PCDHGA4: variants seen among roughly 807,000 people sequenced by gnomAD.
The protein encoded by PCDHGA4 is protocadherin gamma-A4.
Under a neutral mutation model 54.6 loss-of-function variants are expected in PCDHGA4, and 38 were observed. That is an observed-to-expected ratio of 0.70 (90% CI 0.54 to 0.91). PCDHGA4 has a LOEUF of 0.91. PCDHGA4 is among the 40% of genes least tolerant of loss of function. The pLI is 0.00. For synonymous variants in PCDHGA4, 511 were observed against 512.9 expected (o/e 1.00, Z 0.05); for missense variants, 1,298 against 1,220.9 (o/e 1.06, Z -0.94).
intron 1 of PCDHGA4, chr5:141,383,071 G>A (rs1778782498): frequency 1.2e-6 from 2 of 1,613,916 alleles, no homozygotes; most frequent in South Asian, 1.1e-5. Context: ...GGAGCCCCGG[G>A]AGCTGGCGGA....
intron 1 of PCDHGA4, chr5:141,378,751 G>C (rs72790019): frequency 1.3e-5 from 2 of 152,014 alleles, no homozygotes; most frequent in African/African-American, 4.8e-5. Context: ...AAGAAAAAAG[G>C]GATTATCATT....
At chr5:141,469,142 G>A (rs1473440049) in intron 1 of PCDHGA4, among the ~76,000 whole-genome samples, 3 of 152,024 alleles carry the variant, frequency 2.0e-5, no homozygotes, top group East Asian at 1.9e-4. Flanking sequence ...CAGAAATGGT[G>A]GCACATGTCT....
intron 1 of PCDHGA4, chr5:141,421,414 C>G: frequency 6.2e-7 from 1 of 1,614,066 alleles, no homozygotes; most frequent in Non-Finnish European, 8.5e-7. Flanking sequence ...GCTGGCGAAG[C>G]GCGGAGTCCG....
At chr5:141,393,276 C>T (rs773579763) in intron 1 of PCDHGA4, 1 of 1,613,968 alleles carries the variant, frequency 6.2e-7, no homozygotes, top group African/African-American at 1.3e-5. Context: ...TTATCCACTC[C>T]CAGAAGCTGT....
chr5:141,504,434 A>C (rs2099838201), intron 2 of PCDHGA4, among the ~76,000 whole-genome samples: 1 of 152,234 alleles, frequency 6.6e-6, no homozygotes, highest in South Asian at 2.1e-4. Flanking sequence ...CAACAGCTGC[A>C]GTGTGACTAG....
At chr5:141,499,698 T>C (rs1312388510) in intron 2 of PCDHGA4, among the ~76,000 whole-genome samples, 2 of 149,810 alleles carry the variant, frequency 1.3e-5, no homozygotes, top group African/African-American at 2.5e-5. Context: ...ACTTTTTTTT[T>C]TTTTTTTTTT....
chr5:141,399,314 A>C (rs1309292354), intron 1 of PCDHGA4: 9 of 1,613,988 alleles, frequency 5.6e-6, no homozygotes, highest in Non-Finnish European at 1.7e-6. Context: ...TCATCCAAAA[A>C]TTCGTATAAG....
At chr5:141,394,311 C>G in intron 1 of PCDHGA4, 3 of 1,613,986 alleles carry the variant, frequency 1.9e-6, no homozygotes, top group Non-Finnish European at 1.7e-6. Context: ...GCAGGGGGCG[C>G]CCCTGTCCTC....
rs532502013 is a variant in PCDHGA4 at position 141,404,723 on chromosome 5, G to A, written c.2514+47102G>A. 3.1e-6 allele frequency: 5 copies of A among 1,614,094 alleles called. No individual in the cohort carries two copies. Among genetic ancestry groups the A allele is most frequent in the Middle Eastern group, 1.6e-4 (1 of 6,062 alleles). On this transcript the variant is annotated intron_variant, in intron 1 of 3. Coordinates refer to ENST00000571252, the MANE Select transcript of PCDHGA4 (RefSeq NM_018917.4). ...AGAGCCTGGCTACCTGGTGACCAAG[G>A]TGGTGGCAGTGGACAGAGACTCAGG...
Position 141,410,405 on chromosome 5 carries a change from T to C in PCDHGA4, c.2514+52784T>C, listed in dbSNP as rs777544150. ...CTTCCATCCTGGTCTCTGTGTCAAGTCTGGACCTGTAGTTCCCCCCAACTA... is the reference window on the plus strand; with the variant it reads ...CTTCCATCCTGGTCTCTGTGTCAAGCCTGGACCTGTAGTTCCCCCCAACTA... On this transcript the variant is annotated intron_variant, in intron 1 of 3. Transcript: ENST00000571252. 2.2e-5 allele frequency: 35 copies of C among 1,613,948 alleles called. 1 individual carries two copies. In the East Asian group the frequency reaches 7.8e-4, roughly 36 times the overall value.
intron 1 of PCDHGA4, chr5:141,395,555 TGTGTG>T: frequency 9.9e-6 from 1 of 101,256 alleles, no homozygotes; most frequent in Non-Finnish European, 1.7e-5. Context: ...TGTGTGTGTG[TGTGTG>T]TGTGTGTGTG....
chr5:141,496,992 C>T (rs1055856428), intron 2 of PCDHGA4, among the ~76,000 whole-genome samples: 2 of 151,918 alleles, frequency 1.3e-5, no homozygotes, highest in African/African-American at 2.4e-5. Context: ...TTGAGACCAG[C>T]CTGGCAGCCA....
chr5:141,357,690 TTTTA>T, intron 1 of PCDHGA4, 69 bp downstream of exon 1: 1 of 1,558,960 alleles, frequency 6.4e-7, no homozygotes, highest in Non-Finnish European at 8.7e-7. Flanking sequence ...ATGTCTCTCA[TTTTA>T]TATGTAATAT....
intron 1 of PCDHGA4, chr5:141,360,236 G>T (rs377333161): frequency 3.7e-6 from 6 of 1,613,850 alleles, no homozygotes; most frequent in Non-Finnish European, 5.1e-6. Context: ...GTCCAGATCC[G>T]CTATTCAATT....
chr5:141,383,093 G>A, intron 1 of PCDHGA4: 1 of 1,613,930 alleles, frequency 6.2e-7, no homozygotes, highest in Non-Finnish European at 8.5e-7. Flanking sequence ...CGCGGAGTCC[G>A]CATCATCTCC....
chr5:141,457,868 G>T lies in PCDHGA4; in HGVS notation c.2515-36939G>T, dbSNP rs1479066479. ...AAAGTGACATTCTTCACTGACCACA[G>T]GTTAGGAACCCTGTGTGGGGACTGT... On this transcript the variant is annotated intron_variant, in intron 1 of 3. Transcript: ENST00000571252. Among the ~76,000 whole-genome samples the T allele has an allele frequency of 2.0e-5, 3 of 152,346 alleles. No individual in the cohort carries two copies. In the East Asian group the frequency reaches 5.8e-4, roughly 29 times the overall value.
At position 141,355,330 on chromosome 5, in the gene PCDHGA4, G is replaced by GC; in HGVS notation, c.223_224insC (p.Val75AlafsTer28). On this transcript the variant is annotated frameshift_variant, in exon 1 of 4. Transcript: ENST00000571252. LOFTEE classifies it high-confidence loss of function. ...GTTTGAGGAGCAGGAAGAAGGCTCA[G>GC]TGGTGGGCAACATCGCCAAGGACCT... The GC allele has an allele frequency of 6.2e-7, 1 of 1,614,036 alleles. No homozygotes were observed.
Position 141,489,273 on chromosome 5 carries a change from G to GA in PCDHGA4, c.2515-5531dup. The GA allele has an allele frequency of 6.4e-7, 1 of 1,555,870 alleles. No individual in the cohort carries two copies. The highest frequency in any genetic ancestry group is 2.2e-5 in the East Asian group (1 of 44,466). On this transcript the variant is annotated intron_variant, in intron 1 of 3. Coordinates refer to ENST00000571252, the MANE Select transcript of PCDHGA4 (RefSeq NM_018917.4). The surrounding 1 kb of genome is among the most constrained non-coding windows in gnomAD (Gnocchi z 4.5). ...CCAAGACACTCCCACAGCTCGCTGG[G>GA]AAATGGCAAGTGCTGTGCATGTTGT...
chr5:141,454,917 C>T (rs1185153715), intron 1 of PCDHGA4, among the ~76,000 whole-genome samples: 1 of 149,330 alleles, frequency 6.7e-6, no homozygotes, highest in Non-Finnish European at 1.5e-5. Flanking sequence ...ACGCCATTCT[C>T]CTGCCTCAGC....
Sources: allele counts gnomAD v4.1 joint callset (sites outside exome capture counted in the v4.1 genomes callset), GRCh38; gene constraint gnomAD v4.1.1; non-coding constraint Gnocchi (gnomAD v3.1); transcripts MANE v1.5; gene names NCBI Gene and HGNC (gene_info 2026-07-23, HGNC 2026-07-21).